Variants in NRG1 observed in about 807,000 individuals in gnomAD.
NRG1 encodes pro-neuregulin-1, membrane-bound isoform.
A neutral mutation model predicts 63.8 loss-of-function variants in NRG1; 18 were observed. The ratio of observed to expected loss-of-function variants is 0.28; its 90% CI spans 0.19 to 0.42. The LOEUF is 0.42. Ranked by LOEUF, NRG1 falls within the 10% of genes least tolerant of loss-of-function variation. The pLI, the probability that NRG1 is intolerant of heterozygous loss-of-function variation, is 1.00. For missense variants in NRG1, 762 were observed against 814.7 expected (o/e 0.94, Z 0.79); for synonymous variants, 302 against 301.3 (o/e 1.00, Z -0.02).
chr8:31,770,847 G>C (rs957400376), intron 1 of NRG1, among the ~76,000 whole-genome samples: 1 of 149,904 alleles, frequency 6.7e-6, no homozygotes, highest in Non-Finnish European at 1.5e-5. Flanking sequence ...CACATACATA[G>C]GCATTGCGAT....
At chr8:32,536,952 CTGTT>C (rs1029771209) in intron 1 of NRG1, among the ~76,000 whole-genome samples, 12 of 76,892 alleles carry the variant, frequency 1.6e-4, no homozygotes, top group Admixed American at 1.4e-4. Flanking sequence ...AAAAAAAATT[CTGTT>C]TGTCGGCCAG....
intron 1 of NRG1, among the ~76,000 whole-genome samples, chr8:31,897,880 C>T (rs541403986): frequency 7.4e-5 from 11 of 148,808 alleles, no homozygotes; most frequent in East Asian, 5.9e-4. Flanking sequence ...ATGAGCTAGG[C>T]GTGGTGGTGG....
At chr8:31,748,864 C>T (rs939423551) in intron 1 of NRG1, among the ~76,000 whole-genome samples, 3 of 151,854 alleles carry the variant, frequency 2.0e-5, no homozygotes, top group Admixed American at 1.3e-4. Flanking sequence ...TACAGTGATA[C>T]GGGAATCAAT....
At chr8:32,145,732 C>G (rs1454063601) in intron 1 of NRG1, among the ~76,000 whole-genome samples, 1 of 152,176 alleles carries the variant, frequency 6.6e-6, no homozygotes, top group African/African-American at 2.4e-5. Flanking sequence ...ATCATGAGAG[C>G]CTGCCTCTCT....
chr8:32,115,955 AC>A (rs961103482), intron 1 of NRG1, among the ~76,000 whole-genome samples: 18 of 152,070 alleles, frequency 1.2e-4, no homozygotes, highest in Non-Finnish European at 2.1e-4. Context: ...GGGCAAATCA[AC>A]CCTACTGCAA....
At chr8:32,589,828 G>GT (rs778476147) in intron 1 of NRG1, among the ~76,000 whole-genome samples, 110 of 152,150 alleles carry the variant, frequency 7.2e-4, no homozygotes, top group Non-Finnish European at 1.2e-3. Flanking sequence ...GAATGAGGTT[G>GT]TTTTTTTGGA....
At chr8:32,335,167 C>A (rs1022343924) in intron 1 of NRG1, among the ~76,000 whole-genome samples, 56 of 152,084 alleles carry the variant, frequency 3.7e-4, no homozygotes, top group African/African-American at 1.3e-3. Context: ...TCCGTAGATA[C>A]CTCTGGCTCT....
At chr8:32,490,599 C>T (rs1187702872) in intron 1 of NRG1, among the ~76,000 whole-genome samples, 2 of 152,184 alleles carry the variant, frequency 1.3e-5, no homozygotes, top group African/African-American at 2.4e-5. Context: ...AGAAGCATAA[C>T]TCATCTCCCT....
At position 32,259,090 on chromosome 8, in the gene NRG1, G is replaced by A. The variant is rs546114764; in HGVS notation, c.38-336738G>A. ...TCCAAATGATTTCTCTCATGAATCC[G>A]AATCCCTGCCAGTAATGCAGATATT... On this transcript the variant is annotated intron_variant, in intron 1 of 10. Transcript: ENST00000519301. Among the ~76,000 whole-genome samples the A allele has an allele frequency of 3.3e-4, 50 of 152,238 alleles. No homozygotes were observed. In the South Asian group the frequency reaches 9.1e-3, roughly 28 times the overall value.
chr8:32,499,554 G>A (rs1196294253), intron 1 of NRG1, among the ~76,000 whole-genome samples: 2 of 152,066 alleles, frequency 1.3e-5, no homozygotes, highest in Admixed American at 1.3e-4. Flanking sequence ...TGCACCTGTG[G>A]TACCAACTAC....
At chr8:32,315,697 C>T (rs1857306760) in intron 1 of NRG1, among the ~76,000 whole-genome samples, 2 of 152,180 alleles carry the variant, frequency 1.3e-5, no homozygotes, top group South Asian at 4.1e-4. Flanking sequence ...GCTAGACACC[C>T]TCAGAATGTC....
intron 1 of NRG1, among the ~76,000 whole-genome samples, chr8:32,562,735 G>A (rs1284321317): frequency 6.6e-6 from 1 of 152,188 alleles, no homozygotes; most frequent in East Asian, 1.9e-4. Flanking sequence ...CTCTTGGGAG[G>A]AGAGGGAATC....
chr8:32,543,111 T>G (rs1471431247), intron 1 of NRG1, among the ~76,000 whole-genome samples: 1 of 152,192 alleles, frequency 6.6e-6, no homozygotes, highest in African/African-American at 2.4e-5. Context: ...AAAGTACAGT[T>G]AGGAATTCTA....
At chr8:32,365,868 T>A (rs896605461) in intron 1 of NRG1, among the ~76,000 whole-genome samples, 1 of 152,220 alleles carries the variant, frequency 6.6e-6, no homozygotes, top group Admixed American at 6.5e-5. Flanking sequence ...TTTTCCCCAT[T>A]GATATGTCTT....
intron 1 of NRG1, among the ~76,000 whole-genome samples, chr8:32,519,512 G>A (rs1412810312): frequency 6.6e-6 from 1 of 150,968 alleles, no homozygotes; most frequent in African/African-American, 2.4e-5. Context: ...ATAATAATGA[G>A]ATTATACGCA....
intron 5 of NRG1, among the ~76,000 whole-genome samples, chr8:32,713,723 TTATAAATATATAATATATTTGTTA>T (rs1316330026): frequency 1.4e-5 from 2 of 146,872 alleles, no homozygotes; most frequent in Non-Finnish European, 3.0e-5. Context: ...TATATTTATG[TTATAAATATATAATATATTTGTTA>T]TAAATATATT....
chr8:32,674,265 A>C (rs1458488758), intron 5 of NRG1, among the ~76,000 whole-genome samples: 1 of 152,206 alleles, frequency 6.6e-6, no homozygotes, highest in Non-Finnish European at 1.5e-5. Context: ...TCAAAGTCCA[A>C]GACATGAACA....
chr8:32,306,422 A>C lies in NRG1; in HGVS notation c.38-289406A>C, dbSNP rs140168469. On this transcript the variant is annotated intron_variant, in intron 1 of 10. Coordinates refer to the NRG1 transcript ENST00000519301. The stretch of plus-strand genomic sequence containing the variant: ...CTAAGGAAACTCCCAAGTTAATTAA[A>C]TCAGAACTTTCTTCTTGAGTTTGAT... 4.6e-4 allele frequency among the ~76,000 whole-genome samples: 70 copies of C among 152,332 alleles called. 2 individuals carry two copies. In the East Asian group the frequency reaches 0.012, roughly 26 times the overall value.
At chr8:32,144,037 C>G (rs1345561015) in intron 1 of NRG1, among the ~76,000 whole-genome samples, 1 of 152,162 alleles carries the variant, frequency 6.6e-6, no homozygotes, top group Non-Finnish European at 1.5e-5. Flanking sequence ...ATGGGAAAAG[C>G]AGTTAGAATG....
Sources: gnomAD v4.1 joint callset for allele counts (sites outside exome capture counted in the v4.1 genomes callset) on GRCh38, gnomAD v4.1.1 for gene constraint, MANE v1.5 for transcripts, NCBI Gene and HGNC (gene_info 2026-07-23, HGNC 2026-07-21) for gene names.